The following DOCK5 variants were observed in gnomAD, a reference collection of about 807,000 sequenced individuals.
DOCK5 encodes the protein dedicator of cytokinesis protein 5.
DOCK5 carries 142 observed loss-of-function variants against 251.8 expected under a neutral mutation model. The observed-to-expected ratio is 0.56, with a 90% CI of 0.49 to 0.65. The LOEUF (loss-of-function observed/expected upper bound fraction) is 0.65, where lower values mean the gene tolerates loss of function less well. Ranked by LOEUF, DOCK5 falls within the 30% of genes least tolerant of loss-of-function variation. The pLI is 0.00. For missense variants in DOCK5, 2,111 were observed against 2,312.3 expected, an observed-to-expected ratio of 0.91 and a Z score of 1.79; for synonymous variants, 842 against 835.5, an observed-to-expected ratio of 1.01 and a Z score of -0.13.
At chr8:25,373,408 C>T (rs139661857) in intron 35 of DOCK5, among the ~76,000 whole-genome samples, 26 of 152,318 alleles carry the variant, frequency 1.7e-4, no homozygotes, top group African/African-American at 5.8e-4. Flanking sequence ...ACCTTCCCCA[C>T]TGAGTTCCCA....
intron 38 of DOCK5, among the ~76,000 whole-genome samples, chr8:25,379,849 T>TACACAC (rs10569921): frequency 0.025 from 3,666 of 146,780 alleles, 77 homozygotes; most frequent in South Asian, 0.036. Context: ...TCACTACACC[T>TACACAC]ACACACACAC....
intron 45 of DOCK5, among the ~76,000 whole-genome samples, chr8:25,397,787 C>T (rs1486599744): frequency 1.9e-5 from 2 of 103,680 alleles, no homozygotes; most frequent in Admixed American, 1.1e-4. Flanking sequence ...GTTTTTCCAG[C>T]GTGACAGTGT....
intron 5 of DOCK5, among the ~76,000 whole-genome samples, chr8:25,284,736 T>A (rs1477017691): frequency 6.6e-6 from 1 of 152,260 alleles, no homozygotes; most frequent in Non-Finnish European, 1.5e-5. Context: ...TGTCTAACTT[T>A]TATCTTGTCG....
chr8:25,313,896 G>C (rs1042392349), intron 13 of DOCK5, among the ~76,000 whole-genome samples: 2 of 152,060 alleles, frequency 1.3e-5, no homozygotes, highest in African/African-American at 4.8e-5. Flanking sequence ...CGTTACTAGG[G>C]GTTGTGGCTT....
chr8:25,248,311 C>T (rs764979827), intron 2 of DOCK5, among the ~76,000 whole-genome samples: 4 of 152,158 alleles, frequency 2.6e-5, no homozygotes, highest in Non-Finnish European at 5.9e-5. Flanking sequence ...GAGTGCTTTG[C>T]AAACATGAAA....
intron 1 of DOCK5, 53 bp downstream of exon 1, chr8:25,185,004 G>A: frequency 1.5e-6 from 2 of 1,308,130 alleles, no homozygotes; most frequent in South Asian, 2.4e-5. Context: ...CAAGTTCGCG[G>A]ACAGCGGCCC....
At chr8:25,296,200 A>C (rs1195042755) in intron 6 of DOCK5, among the ~76,000 whole-genome samples, 1 of 152,180 alleles carries the variant, frequency 6.6e-6, no homozygotes, top group African/African-American at 2.4e-5. Flanking sequence ...ATAATAACAG[A>C]AGATTACAGG....
At chr8:25,371,488 A>G (rs1212247422) in intron 34 of DOCK5, among the ~76,000 whole-genome samples, 2 of 152,228 alleles carry the variant, frequency 1.3e-5, no homozygotes, top group Non-Finnish European at 2.9e-5. Flanking sequence ...AATAAAAAAA[A>G]TAATTGAATT....
At chr8:25,190,556 G>A (rs1249890941) in intron 1 of DOCK5, among the ~76,000 whole-genome samples, 1 of 152,144 alleles carries the variant, frequency 6.6e-6, no homozygotes, top group African/African-American at 2.4e-5. Flanking sequence ...AGTGCTGAAT[G>A]TCAGAAAATA....
intron 1 of DOCK5, among the ~76,000 whole-genome samples, chr8:25,218,493 C>A (rs752572930): frequency 1.3e-5 from 2 of 152,192 alleles, no homozygotes; most frequent in Non-Finnish European, 2.9e-5. Context: ...GGTCCAGGGA[C>A]AGCTGGATTG....
At chr8:25,398,215 A>G (rs545323326) in intron 45 of DOCK5, among the ~76,000 whole-genome samples, 1 of 152,190 alleles carries the variant, frequency 6.6e-6, no homozygotes, top group Non-Finnish European at 1.5e-5. Flanking sequence ...GTGTCCTACC[A>G]TTTACCAAAA....
rs1801627682 is a variant in DOCK5, at chr8:25,411,268, C to G, written c.5583C>G (p.Gly1861=). ...PPPPPKARKS[G]IPTSEPGSQ ...CACCTCCAAAGGCTCGGAAGTCTGG[C>G]ATCCCTACTTCCGAGCCTGGATCCC... is the stretch of plus-strand genomic sequence containing the variant. The change falls in exon 52 of 52, where the codon GGC becomes GGG. Residue 1861 remains glycine, a synonymous_variant. Coordinates refer to ENST00000276440, the MANE Select transcript of DOCK5 (RefSeq NM_024940.8). 2 of 1,577,480 alleles carry G rather than the reference C, an allele frequency of 1.3e-6. No individual in the cohort carries two copies. The highest frequency in any genetic ancestry group is 1.7e-6 in the Non-Finnish European group (2 of 1,164,504).
In DOCK5 at chr8:25,408,923, A is replaced by C. The variant is rs1045726126; in HGVS notation, c.5387A>C (p.Lys1796Thr). ...TPLSPPPLTP[K>T]ATRTLSSPSL... ...TTGAGCCCACCTCCACTCACTCCCA[A>C]AGCCACCAGGACCCTAAGTAAGTTT... is the stretch of plus-strand genomic sequence containing the variant. The change falls in exon 50 of 52, where the codon AAA (lysine) becomes ACA (threonine). Residue 1796 changes from lysine to threonine, a missense_variant. Physicochemically the swap from Lys to Thr is moderately conservative, Grantham distance 78. This residue lies in a region of DOCK5 where 1,717 missense variants were observed against 1,892.4 expected (regional missense o/e 0.91). Transcript: ENST00000276440. The C allele has an allele frequency of 3.7e-6, 6 of 1,613,860 alleles. No individual in the cohort carries two copies. Among genetic ancestry groups the C allele is most frequent in the Non-Finnish European group, 4.2e-6 (5 of 1,179,866 alleles).
chr8:25,414,547 C>A lies in DOCK5; in HGVS notation c.*3249C>A, dbSNP rs984447128. 12 of 152,174 alleles carry A rather than the reference C, an allele frequency of 7.9e-5. No individual in the cohort carries two copies. The highest frequency in any genetic ancestry group is 1.3e-4 in the Non-Finnish European group (9 of 68,036). 9.4% of individuals were successfully genotyped at this position (152,174 alleles called of 1,614,324 possible). A position where few individuals can be genotyped will look rare whatever the true frequency, so the allele number is the denominator to read the frequency against. ...TTACTCTTTCCAAGCTGGAAGAGTCCTTCTCCTCTAGTTGCCCCTAGGTCA... is the reference window on the plus strand; with the variant it reads ...TTACTCTTTCCAAGCTGGAAGAGTCATTCTCCTCTAGTTGCCCCTAGGTCA... On this transcript the variant is annotated 3_prime_UTR_variant, in exon 52 of 52. Coordinates refer to ENST00000276440, the MANE Select transcript of DOCK5 (RefSeq NM_024940.8).
chr8:25,333,692 G>A (rs758643150), intron 20 of DOCK5, among the ~76,000 whole-genome samples: 1 of 152,130 alleles, frequency 6.6e-6, no homozygotes, highest in African/African-American at 2.4e-5. Flanking sequence ...TGTTACTGGG[G>A]GCACTCATAG....
chr8:25,319,646 C>G lies in DOCK5; in HGVS notation c.1512C>G (p.Val504=), dbSNP rs1256008945. ...SEYKSVVYYQ[V]KQPCWYETVK... is the part of the protein sequence containing the mutation. ...ACAAATCAGTAGTCTATTACCAAGT[C>G]AAGCAGCCCTGTTGGTATGAGACTG... is the stretch of plus-strand genomic sequence containing the variant. The change falls in exon 15 of 52, where the codon GTC becomes GTG. Residue 504 remains valine, a synonymous_variant. Transcript: ENST00000276440. The G allele has an allele frequency of 6.3e-7, 1 of 1,589,334 alleles. No homozygotes were observed. The highest frequency in any genetic ancestry group is 1.2e-5 in the South Asian group (1 of 86,598).
At chr8:25,300,700 A>G in intron 9 of DOCK5, 43 bp downstream of exon 9, 2 of 1,546,184 alleles carry the variant, frequency 1.3e-6, no homozygotes, top group African/African-American at 2.7e-5. Context: ...TGTTTGTGAT[A>G]TGAGCATATT....
At chr8:25,269,791 T>C (rs1269176854) in intron 3 of DOCK5, among the ~76,000 whole-genome samples, 1 of 152,136 alleles carries the variant, frequency 6.6e-6, no homozygotes, top group East Asian at 1.9e-4. Context: ...ACATGCCAAA[T>C]AGCAAATTAG....
At position 25,210,035 on chromosome 8, in the gene DOCK5, AATGTGTG is replaced by A. The variant is rs1563309108; in HGVS notation, c.43+25085_43+25091del. Among the ~76,000 whole-genome samples, 73 of 11,720 alleles carry A rather than the reference AATGTGTG, an allele frequency of 6.2e-3. 19 individuals carry two copies. Among genetic ancestry groups the A allele is most frequent in the African/African-American group, 0.011 (69 of 6,358 alleles). The allele number at this position is 11,720 out of a possible 152,430, so 7.7% of individuals were successfully genotyped here. A position where few individuals can be genotyped will look rare whatever the true frequency, so the allele number is the denominator to read the frequency against. On this transcript the variant is annotated intron_variant, in intron 1 of 51. Coordinates refer to ENST00000276440, the MANE Select transcript of DOCK5 (RefSeq NM_024940.8). ...ATATATATATATATATATATATATA[AATGTGTG>A]TGTGTGTGTGTGTGTGTGTGTGTGT...
Sources: gnomAD v4.1 joint callset for allele counts (sites outside exome capture counted in the v4.1 genomes callset) on GRCh38, gnomAD v4.1.1 for gene constraint, gnomAD v4.1.1 regional missense constraint, MANE v1.5 for transcripts, NCBI Gene and HGNC (gene_info 2026-07-23, HGNC 2026-07-21) for gene names.